Variants in MYCBPAP observed in about 807,000 individuals in gnomAD.
MYCBPAP encodes the protein MYCBP associated protein, also known as MYCBP-associated protein.
Under a neutral mutation model 106.1 loss-of-function variants are expected in MYCBPAP, and 60 were observed. That is an observed-to-expected ratio of 0.57 (90% confidence interval 0.46 to 0.70). The LOEUF is 0.70. Among genes scored for constraint, MYCBPAP ranks in the 30% least tolerant of loss-of-function variants. The pLI, the probability that MYCBPAP is intolerant of heterozygous loss-of-function variation, is 0.00. For synonymous variants in MYCBPAP, 407 were observed against 440.6 expected, an observed-to-expected ratio of 0.92 and a Z score of 0.95; for missense variants, 1,064 against 1,169.3, an observed-to-expected ratio of 0.91 and a Z score of 1.31.
chr17:50,529,904 C>T (rs2034579953), intron 18 of MYCBPAP: 1 of 446,242 alleles, frequency 2.2e-6, no homozygotes, highest in African/African-American at 2.0e-5. Flanking sequence ...CCCAGGTTTT[C>T]CGTTTTGTTT....
chr17:50,528,463 TG>T (rs1250745169), intron 16 of MYCBPAP, among the ~76,000 whole-genome samples, 193 bp downstream of exon 16: 2 of 152,196 alleles, frequency 1.3e-5, no homozygotes, highest in African/African-American at 4.8e-5. Context: ...GTGACCACCT[TG>T]GTTTAGTAAT....
chr17:50,516,284 C>G (rs1375619275), intron 1 of MYCBPAP, among the ~76,000 whole-genome samples: 1 of 152,206 alleles, frequency 6.6e-6, no homozygotes. Context: ...GCCACCACAC[C>G]TGGCCTGAAA....
At position 50,529,208 on chromosome 17, in the gene MYCBPAP, A is replaced by T; in HGVS notation, c.2724+20A>T. ...AGTGAGGTGAAGGGAAGCGCCCAGCAGCCATTCCCCTGCCTCCCACCTGCC... is the reference window on the plus strand; with the variant it reads ...AGTGAGGTGAAGGGAAGCGCCCAGCTGCCATTCCCCTGCCTCCCACCTGCC... On this transcript the variant is annotated intron_variant, in intron 18 of 18. Transcript: ENST00000323776. The T allele has an allele frequency of 6.2e-7, 1 of 1,602,008 alleles. No individual in the cohort carries two copies. The highest frequency in any genetic ancestry group is 8.5e-7 in the Non-Finnish European group (1 of 1,175,436).
chr17:50,518,792 T>C, intron 5 of MYCBPAP, 68 bp downstream of exon 5: 1 of 1,545,988 alleles, frequency 6.5e-7, no homozygotes, highest in African/African-American at 1.4e-5. Context: ...GGTTGTTTGC[T>C]CTCCTCCAGA....
chr17:50,522,925 C>G lies in MYCBPAP; in HGVS notation c.1258-14C>G, dbSNP rs772892604. 1 of 1,603,248 alleles carries G rather than the reference C, an allele frequency of 6.2e-7. No individual in the cohort carries two copies. Among genetic ancestry groups the G allele is most frequent in the Non-Finnish European group, 8.5e-7 (1 of 1,171,614 alleles). ...GTTTGCAGCAAAGACATTTCTTGTC[C>G]CTCCTCCTTCCAGAGGCAGGTTGGG... On this transcript the variant is annotated splice_polypyrimidine_tract_variant and intron_variant, in intron 10 of 18. Coordinates refer to ENST00000323776, the MANE Select transcript of MYCBPAP (RefSeq NM_032133.6).
chr17:50,521,578 CA>C lies in MYCBPAP; in HGVS notation c.1148+148del, dbSNP rs1032656638. ...TGCCACCCACTCCTTGAACCCATTC[CA>C]GCACCTGTGCTGGCTTTCCTATTGC... is the stretch of plus-strand genomic sequence containing the variant. On this transcript the variant is annotated intron_variant, in intron 9 of 18. Coordinates refer to ENST00000323776, the MANE Select transcript of MYCBPAP (RefSeq NM_032133.6). 1.1e-5 allele frequency: 7 copies of C among 642,774 alleles called. No homozygotes were observed. In the Admixed American group the frequency reaches 1.9e-4, roughly 17 times the overall value. 39.8% of individuals were successfully genotyped at this position (642,774 alleles called of 1,614,324 possible).
intron 3 of MYCBPAP, 32 bp downstream of exon 3, chr17:50,517,484 C>A: frequency 6.2e-7 from 1 of 1,614,184 alleles, no homozygotes; most frequent in Middle Eastern, 1.6e-4. Flanking sequence ...GCTTCACTGT[C>A]TTTCAACTCA....
intron 6 of MYCBPAP, 50 bp downstream of exon 6, chr17:50,519,139 GGGGGC>G: frequency 8.0e-7 from 1 of 1,254,130 alleles, no homozygotes. Context: ...CCATGGAGGA[GGGGGC>G]GGGGGCAGGT....
At chr17:50,526,781 C>A (rs2034477798) in intron 14 of MYCBPAP, among the ~76,000 whole-genome samples, 1 of 152,230 alleles carries the variant, frequency 6.6e-6, no homozygotes, top group Non-Finnish European at 1.5e-5. Flanking sequence ...CGGGGTTTCG[C>A]TATGTTGGCC....
At position 50,528,287 on chromosome 17, in the gene MYCBPAP, C is replaced by A. The variant is rs1478407253; in HGVS notation, c.2407+17C>A. On this transcript the variant is annotated intron_variant, in intron 16 of 18. Coordinates refer to ENST00000323776, the MANE Select transcript of MYCBPAP (RefSeq NM_032133.6). ...AAGAGCAAGGTCAGATCTTGTGCAA[C>A]CAACCACACCTCTGCATAGCCCTCC... 4 of 1,580,812 alleles carry A rather than the reference C, an allele frequency of 2.5e-6. No individual in the cohort carries two copies. In the Admixed American group the frequency reaches 6.8e-5, roughly 27 times the overall value.
In MYCBPAP at chr17:50,523,614, G is replaced by T; in HGVS notation, c.1465G>T (p.Glu489Ter). Residue 489 changes from glutamate (E) to a stop codon, truncating the protein, a stop_gained, in exon 12 of 19, where the codon GAA (glutamate) becomes TAA (stop). Transcript: ENST00000323776. LOFTEE classifies it high-confidence loss of function. The part of the protein sequence containing the change: ...DNREGVILPG[E>*]IKTFTFFFKS... ...CCTCTCAGGTGTGATTCTGCCTGGA[G>T]AAATTAAAACATTTACCTTCTTCTT... is the stretch of plus-strand genomic sequence containing the variant. 7 of 1,614,226 alleles carry T rather than the reference G, an allele frequency of 4.3e-6. No homozygotes were observed. Among genetic ancestry groups the T allele is most frequent in the Non-Finnish European group, 5.9e-6 (7 of 1,180,048 alleles).
chr17:50,514,965 G>A (rs1363328345), intron 1 of MYCBPAP: 3 of 426,092 alleles, frequency 7.0e-6, no homozygotes, highest in Non-Finnish European at 1.4e-5. Flanking sequence ...CCTTCACATG[G>A]CTCACTGAGC....
rs75706684 is a variant in MYCBPAP, at chr17:50,517,612, G to T, written c.382G>T (p.Asp128Tyr). 92 of 1,613,964 alleles carry T rather than the reference G, an allele frequency of 5.7e-5. No individual in the cohort carries two copies. The highest frequency in any genetic ancestry group is 7.8e-5 in the Non-Finnish European group (92 of 1,180,032). The change falls in exon 4 of 19, where the codon GAT becomes TAT. Residue 128 changes from aspartate (D) to tyrosine (Y), a missense_variant. By Grantham distance (160) the Asp-to-Tyr change is radical. Transcript: ENST00000323776. ...CCTCCCAGGTCCCGGTGACAGCTTC[G>T]ATGGCAGTGACCAGATCCTGCCCCA... ...LDYSGPGDSF[D>Y]GSDQILPHHI... is the part of the protein sequence containing the mutation.
intron 15 of MYCBPAP, among the ~76,000 whole-genome samples, chr17:50,527,861 A>G (rs974960894): frequency 1.3e-5 from 2 of 152,180 alleles, no homozygotes; most frequent in Non-Finnish European, 2.9e-5. Context: ...CTCCAGTGCG[A>G]CTGGACCCAA....
In MYCBPAP at chr17:50,525,613, AG is replaced by A. The variant is rs969637034; in HGVS notation, c.1783-267del. 3.8e-4 allele frequency among the ~76,000 whole-genome samples: 58 copies of A among 151,008 alleles called. 1 individual carries two copies. Among genetic ancestry groups the A allele is most frequent in the Admixed American group, 3.1e-3 (47 of 15,190 alleles). ...GTGATCCTCCCACCTCAGCCTCCTA[AG>A]TAGCTAGGACTACAGGCATACATCA... On this transcript the variant is annotated intron_variant, in intron 13 of 18. Coordinates refer to ENST00000323776, the MANE Select transcript of MYCBPAP (RefSeq NM_032133.6).
intron 3 of MYCBPAP, 36 bp downstream of exon 3, chr17:50,517,488 C>T: frequency 6.2e-7 from 1 of 1,614,146 alleles, no homozygotes; most frequent in Non-Finnish European, 8.5e-7. Flanking sequence ...CACTGTCTTT[C>T]AACTCATGGG....
chr17:50,523,191 G>C, intron 11 of MYCBPAP, 63 bp downstream of exon 11: 1 of 1,536,852 alleles, frequency 6.5e-7, no homozygotes, highest in Non-Finnish European at 8.9e-7. Context: ...TCCTCCGTGA[G>C]ACATCAAAGT....
intron 16 of MYCBPAP, among the ~76,000 whole-genome samples, 162 bp downstream of exon 16, chr17:50,528,432 T>TG (rs1475817949): frequency 6.6e-6 from 1 of 152,200 alleles, no homozygotes; most frequent in African/African-American, 2.4e-5. Flanking sequence ...TGCCAGGATG[T>TG]GGTACCCAGA....
chr17:50,519,649 A>T lies in MYCBPAP; in HGVS notation c.778A>T (p.Asn260Tyr). The change falls in exon 7 of 19, where the codon AAC (asparagine) becomes TAC (tyrosine). Residue 260 changes from asparagine to tyrosine, a missense_variant. Coordinates refer to ENST00000323776, the MANE Select transcript of MYCBPAP (RefSeq NM_032133.6). ...PTRRDRKSWE[N>Y]SGFWSRLEYL... ...TTTCCTTCCTTGCCAGAGCTGGGAGAACAGTGGGTTCTGGAGTCGACTGGA... is the reference window on the plus strand; with the variant it reads ...TTTCCTTCCTTGCCAGAGCTGGGAGTACAGTGGGTTCTGGAGTCGACTGGA... 1 of 1,613,994 alleles carries T rather than the reference A, an allele frequency of 6.2e-7. No individual in the cohort carries two copies. Among genetic ancestry groups the T allele is most frequent in the South Asian group, 1.1e-5 (1 of 91,074 alleles).
Sources: gnomAD v4.1 joint callset for allele counts (sites outside exome capture counted in the v4.1 genomes callset) on GRCh38, gnomAD v4.1.1 for gene constraint, MANE v1.5 for transcripts, NCBI Gene and HGNC (gene_info 2026-07-23, HGNC 2026-07-21) for gene names.